The following SFXN5 variants were observed in gnomAD, a reference collection of about 807,000 sequenced individuals.
SFXN5 encodes sideroflexin-5.
A neutral mutation model predicts 50.2 loss-of-function variants in SFXN5; 43 were observed. That is an observed-to-expected ratio of 0.86 (90% CI 0.67 to 1.11). The LOEUF (loss-of-function observed/expected upper bound fraction) is 1.11. Ranked by LOEUF, SFXN5 falls within the 50% of genes least tolerant of loss-of-function variation. The pLI, the probability that SFXN5 is intolerant of heterozygous loss-of-function variation, is 0.00. For synonymous variants in SFXN5, 203 were observed against 185.8 expected, an observed-to-expected ratio of 1.09 and a Z score of -0.75; for missense variants, 463 against 454.1, an observed-to-expected ratio of 1.02 and a Z score of -0.18.
intron 3 of SFXN5, among the ~76,000 whole-genome samples, chr2:73,035,911 C>T (rs1410426725): frequency 6.6e-6 from 1 of 152,208 alleles, no homozygotes; most frequent in Admixed American, 6.5e-5. Flanking sequence ...TACATTTGCG[C>T]ATACCCACTG....
chr2:73,038,399 G>C (rs1265052666), intron 3 of SFXN5, among the ~76,000 whole-genome samples: 1 of 152,228 alleles, frequency 6.6e-6, no homozygotes, highest in Non-Finnish European at 1.5e-5. Context: ...TGAGTGTGTA[G>C]TGGGTGAATG....
At chr2:73,014,525 C>T (rs1485430163) in intron 6 of SFXN5, among the ~76,000 whole-genome samples, 1 of 152,158 alleles carries the variant, frequency 6.6e-6, no homozygotes, top group Non-Finnish European at 1.5e-5. Context: ...ATTCTTATCC[C>T]CTAGCTTGTA....
rs931883538 is a variant in SFXN5 at position 73,020,224 on chromosome 2, G to A, written c.357+15C>T. 6.2e-7 allele frequency: 1 copy of A among 1,612,498 alleles called. No homozygotes were observed. Among genetic ancestry groups the A allele is most frequent in the Non-Finnish European group, 8.5e-7 (1 of 1,178,856 alleles). On this transcript the variant is annotated intron_variant, in intron 6 of 13. Coordinates refer to ENST00000272433, the MANE Select transcript of SFXN5 (RefSeq NM_144579.3). Reference sequence around the variant, plus strand: ...AATTTTTTAGAAAAGGAAATCCTTTGAAGGTAACACTTACAATTGGCGTCC... The same window carrying A: ...AATTTTTTAGAAAAGGAAATCCTTTAAAGGTAACACTTACAATTGGCGTCC...
chr2:73,048,660 T>A (rs1680829165), intron 2 of SFXN5, among the ~76,000 whole-genome samples: 1 of 152,238 alleles, frequency 6.6e-6, no homozygotes, highest in African/African-American at 2.4e-5. Context: ...TCACATCACA[T>A]CAGGAAGCAC....
At chr2:73,055,806 A>G (rs1381988219) in intron 2 of SFXN5, among the ~76,000 whole-genome samples, 1 of 151,904 alleles carries the variant, frequency 6.6e-6, no homozygotes, top group Non-Finnish European at 1.5e-5. Flanking sequence ...TTCAGTAGAG[A>G]CCGGGTTTCA....
chr2:73,063,060 T>C (rs1015776902), intron 1 of SFXN5, among the ~76,000 whole-genome samples: 6 of 152,174 alleles, frequency 3.9e-5, no homozygotes, highest in Non-Finnish European at 8.8e-5. Flanking sequence ...AGATGATGCC[T>C]CACTTTCTAG....
At chr2:73,067,165 A>T (rs1434390243) in intron 1 of SFXN5, among the ~76,000 whole-genome samples, 1 of 152,256 alleles carries the variant, frequency 6.6e-6, no homozygotes. Context: ...CCTCTGTGAT[A>T]TTCTTACCTC....
chr2:73,047,153 G>A (rs1342026424), intron 2 of SFXN5, among the ~76,000 whole-genome samples: 1 of 143,642 alleles, frequency 7.0e-6, no homozygotes, highest in Admixed American at 7.2e-5. Context: ...GAACCTGGGA[G>A]GCTGCAGTAA....
intron 2 of SFXN5, among the ~76,000 whole-genome samples, chr2:73,043,207 G>A (rs915711019): frequency 1.3e-5 from 2 of 152,282 alleles, no homozygotes; most frequent in East Asian, 1.9e-4. Flanking sequence ...GAAACCCAGC[G>A]AAGCTGCTGT....
intron 3 of SFXN5, among the ~76,000 whole-genome samples, chr2:73,039,318 G>A (rs1012176404): frequency 2.0e-5 from 3 of 152,188 alleles, no homozygotes; most frequent in African/African-American, 4.8e-5. Context: ...TTGAAAGGCC[G>A]CGGGAGGGTA....
In SFXN5 at chr2:72,960,639, A is replaced by G. The variant is rs943687925; in HGVS notation, c.945+492T>C. On this transcript the variant is annotated intron_variant, in intron 13 of 13. Transcript: ENST00000272433. The surrounding 1 kb of genome is among the most constrained non-coding windows in gnomAD (Gnocchi z 6.1). ...CTCTGTTCTGGCTTCCAAGTTCCCAACACCACCCAGCCCAGCCCCTCATTC... is the reference window on the plus strand; with the variant it reads ...CTCTGTTCTGGCTTCCAAGTTCCCAGCACCACCCAGCCCAGCCCCTCATTC... Among the ~76,000 whole-genome samples the G allele has an allele frequency of 1.3e-5, 2 of 151,692 alleles. No homozygotes were observed. The highest frequency in any genetic ancestry group is 2.9e-5 in the Non-Finnish European group (2 of 67,908).
At chr2:73,039,130 GT>G (rs1679300744) in intron 3 of SFXN5, among the ~76,000 whole-genome samples, 1 of 152,104 alleles carries the variant, frequency 6.6e-6, no homozygotes, top group South Asian at 2.1e-4. Flanking sequence ...GTTTCTTCAG[GT>G]TGGCCAGGAT....
chr2:72,972,286 C>T (rs1162575374), intron 10 of SFXN5, among the ~76,000 whole-genome samples: 1 of 152,232 alleles, frequency 6.6e-6, no homozygotes, highest in African/African-American at 2.4e-5. Flanking sequence ...TCTGAGGTCA[C>T]ACAGCAGAGT....
intron 10 of SFXN5, among the ~76,000 whole-genome samples, chr2:72,979,008 A>G (rs1237425377): frequency 6.6e-6 from 1 of 152,228 alleles, no homozygotes; most frequent in Admixed American, 6.5e-5. Flanking sequence ...GCCACACAGT[A>G]CGAATGCCTA....
intron 1 of SFXN5, among the ~76,000 whole-genome samples, chr2:73,067,923 A>G (rs1683293389): frequency 1.3e-5 from 2 of 152,204 alleles, no homozygotes; most frequent in Admixed American, 1.3e-4. Context: ...ATTGGAGATC[A>G]TTGCACCTGC....
intron 2 of SFXN5, among the ~76,000 whole-genome samples, chr2:73,050,188 G>T (rs929720765): frequency 6.6e-6 from 1 of 152,066 alleles, no homozygotes; most frequent in Non-Finnish European, 1.5e-5. Context: ...GCATTCCTGC[G>T]GCTTTCCCAG....
At chr2:73,041,861 T>C (rs1465855252) in intron 2 of SFXN5, among the ~76,000 whole-genome samples, 1 of 152,028 alleles carries the variant, frequency 6.6e-6, no homozygotes, top group East Asian at 1.9e-4. Flanking sequence ...CGCCACTGCA[T>C]CTGGCTAATT....
intron 6 of SFXN5, among the ~76,000 whole-genome samples, chr2:73,002,981 C>T (rs571924139): frequency 2.0e-5 from 3 of 152,294 alleles, no homozygotes; most frequent in Admixed American, 6.5e-5. Flanking sequence ...ATTCTACTTC[C>T]AAATTCTGGG....
chr2:72,998,229 C>CAG (rs917368590), intron 9 of SFXN5: 2 of 152,138 alleles, frequency 1.3e-5, no homozygotes, highest in Non-Finnish European at 2.9e-5. Flanking sequence ...GACGTAGGTA[C>CAG]AGGGGCGGGC....
Sources: allele counts gnomAD v4.1 joint callset (sites outside exome capture counted in the v4.1 genomes callset), GRCh38; gene constraint gnomAD v4.1.1; non-coding constraint Gnocchi (gnomAD v3.1); transcripts MANE v1.5; gene names NCBI Gene and HGNC (gene_info 2026-07-23, HGNC 2026-07-21).